Variants in CFTR observed in about 807,000 individuals in gnomAD.
CFTR encodes the protein cystic fibrosis transmembrane conductance regulator.
CFTR carries 181 observed loss-of-function variants against 171.6 expected under a neutral mutation model. The observed-to-expected ratio is 1.05, with a 90% CI of 0.93 to 1.19. The LOEUF is 1.19. Ranked by LOEUF, CFTR falls within the 50% of genes most tolerant of loss-of-function variation. The probability of loss-of-function intolerance (pLI) is 0.00; values close to 1 mark genes in which losing one functional copy is unlikely to be tolerated. For synonymous variants in CFTR, 583 were observed against 608.0 expected (o/e 0.96, Z 0.60); for missense variants, 1,968 against 1,734.7 (o/e 1.13, Z -2.39).
chr7:117,573,014 AT>A (rs1379863836), intron 11 of CFTR, among the ~76,000 whole-genome samples: 2 of 151,736 alleles, frequency 1.3e-5, no homozygotes, highest in Non-Finnish European at 2.9e-5. Context: ...ACACAGGACC[AT>A]TAAATGTAAC....
rs111250920 is a variant in CFTR at position 117,501,500 on chromosome 7, C to T, written c.54-2753C>T. On this transcript the variant is annotated intron_variant, in intron 1 of 26. Transcript: ENST00000003084. ...CTGGCTCACGTCTGTAATCCCAGCA[C>T]TTTGGGAGACCGAGGCAGGTGGATT... is the stretch of plus-strand genomic sequence containing the variant. Among the ~76,000 whole-genome samples the T allele has an allele frequency of 4.4e-3, 675 of 151,872 alleles. 5 individuals are homozygous for T. The highest frequency in any genetic ancestry group is 7.3e-3 in the Non-Finnish European group (494 of 67,944).
At chr7:117,568,880 C>G (rs1360691177) in intron 11 of CFTR, among the ~76,000 whole-genome samples, 2 of 152,212 alleles carry the variant, frequency 1.3e-5, no homozygotes, top group South Asian at 2.1e-4. Flanking sequence ...ACTTTGTACT[C>G]TTTGACCAAC....
At chr7:117,596,105 C>G (rs1792118815) in intron 15 of CFTR, among the ~76,000 whole-genome samples, 1 of 152,148 alleles carries the variant, frequency 6.6e-6, no homozygotes, top group Non-Finnish European at 1.5e-5. Flanking sequence ...TCTGGGCTGG[C>G]CAAGGCCAGA....
intron 21 of CFTR, among the ~76,000 whole-genome samples, chr7:117,619,102 A>T (rs928863751): frequency 6.6e-6 from 1 of 152,216 alleles, no homozygotes; most frequent in Admixed American, 6.5e-5. Flanking sequence ...CCATACCTCA[A>T]ATACTATATG....
intron 11 of CFTR, among the ~76,000 whole-genome samples, chr7:117,574,770 C>T (rs1791747484): frequency 6.6e-6 from 1 of 152,004 alleles, no homozygotes; most frequent in South Asian, 2.1e-4. Context: ...AATTTACACC[C>T]ATATATACAT....
At chr7:117,597,438 T>C (rs1314819754) in intron 15 of CFTR, among the ~76,000 whole-genome samples, 10 of 152,172 alleles carry the variant, frequency 6.6e-5, no homozygotes, top group Admixed American at 1.3e-4. Context: ...CTGGGCCACA[T>C]TGGAAGAAGA....
chr7:117,663,409 C>A (rs1282970290), intron 24 of CFTR, among the ~76,000 whole-genome samples: 1 of 151,556 alleles, frequency 6.6e-6, no homozygotes, highest in Non-Finnish European at 1.5e-5. Context: ...TAATGAATTT[C>A]TACAAGGTGA....
At chr7:117,540,007 T>G in intron 7 of CFTR, 93 bp from the exon 8 acceptor site, 1 of 1,090,894 alleles carries the variant, frequency 9.2e-7, no homozygotes, top group Admixed American at 2.0e-5. Flanking sequence ...GCAGAAAGAC[T>G]CTAGAGACCA....
Position 117,572,692 on chromosome 7 carries a change from C to T in CFTR, c.1584+13037C>T, listed in dbSNP as rs1791713159. Reference sequence around the variant, plus strand: ...ACTTGTTCCCTCTGCTCCTACCACACTTATTCCCCCCTTGTCCATTTTCCT... The same window carrying T: ...ACTTGTTCCCTCTGCTCCTACCACATTTATTCCCCCCTTGTCCATTTTCCT... On this transcript the variant is annotated intron_variant, in intron 11 of 26. Coordinates refer to ENST00000003084, the MANE Select transcript of CFTR (RefSeq NM_000492.4). Among the ~76,000 whole-genome samples, 6 of 152,294 alleles carry T rather than the reference C, an allele frequency of 3.9e-5. No homozygotes were observed. The South Asian group carries it at 1.2e-3, about 32-fold the overall frequency.
intron 1 of CFTR, among the ~76,000 whole-genome samples, chr7:117,502,671 A>G (rs1485438551): frequency 1.3e-5 from 2 of 152,146 alleles, no homozygotes; most frequent in Non-Finnish European, 2.9e-5. Flanking sequence ...TTGCATGATC[A>G]TGGCATTCAT....
chr7:117,642,649 A>C lies in CFTR; in HGVS notation c.3873+56A>C. ...CAACTAAATTATATTTTTTACTGCT[A>C]TTTGATACTTGTACTCAAGAAATTC... is the stretch of plus-strand genomic sequence containing the variant. On this transcript the variant is annotated intron_variant, in intron 23 of 26. Transcript: ENST00000003084. 1.9e-6 allele frequency: 3 copies of C among 1,548,340 alleles called. No homozygotes were observed. In the South Asian group the frequency reaches 3.4e-5, roughly 18 times the overall value.
At chr7:117,656,540 T>G (rs1793186413) in intron 24 of CFTR, among the ~76,000 whole-genome samples, 1 of 152,194 alleles carries the variant, frequency 6.6e-6, no homozygotes, top group Admixed American at 6.5e-5. Context: ...TTCATTATAC[T>G]TGAGAGCATT....
At chr7:117,664,490 G>A (rs986687130) in intron 24 of CFTR, among the ~76,000 whole-genome samples, 198 bp from the exon 25 acceptor site, 2 of 152,190 alleles carry the variant, frequency 1.3e-5, no homozygotes, top group East Asian at 1.9e-4. Flanking sequence ...GATAAAACAA[G>A]TTATAGACTG....
In CFTR at chr7:117,642,582, G is replaced by A; in HGVS notation, c.3862G>A (p.Val1288Met). The change falls in exon 23 of 27, where the codon GTG (valine) becomes ATG (methionine). Residue 1288 changes from valine to methionine, a missense_variant. By Grantham distance (21) the Val-to-Met change is conservative. Coordinates refer to ENST00000003084, the MANE Select transcript of CFTR (RefSeq NM_000492.4). ...TLQQWRKAFGVIPQKVFIFSG... is the reference protein window; with the variant it reads ...TLQQWRKAFGMIPQKVFIFSG... Reference sequence around the variant, plus strand: ...GCAACAGTGGAGGAAAGCCTTTGGAGTGATACCACAGGTGAGCAAAAGGAC... The same window carrying A: ...GCAACAGTGGAGGAAAGCCTTTGGAATGATACCACAGGTGAGCAAAAGGAC... 1 of 1,613,414 alleles carries A rather than the reference G, an allele frequency of 6.2e-7. No individual in the cohort carries two copies. The highest frequency in any genetic ancestry group is 1.1e-5 in the South Asian group (1 of 91,062).
intron 22 of CFTR, among the ~76,000 whole-genome samples, chr7:117,629,328 G>T (rs1448128104): frequency 2.0e-5 from 3 of 152,104 alleles, no homozygotes; most frequent in Non-Finnish European, 4.4e-5. Context: ...AAAGACCTCA[G>T]TCAGCTTTAT....
intron 9 of CFTR, among the ~76,000 whole-genome samples, chr7:117,543,999 A>G (rs1379348780): frequency 6.6e-6 from 1 of 152,118 alleles, no homozygotes; most frequent in Non-Finnish European, 1.5e-5. Flanking sequence ...GAATTTCCTA[A>G]TCTTCCAACT....
chr7:117,588,999 A>T (rs747626152), intron 12 of CFTR, among the ~76,000 whole-genome samples: 1 of 152,104 alleles, frequency 6.6e-6, no homozygotes, highest in Non-Finnish European at 1.5e-5. Context: ...AATTTAGATA[A>T]GATAGAGTAT....
At chr7:117,493,689 C>G (rs775954131) in intron 1 of CFTR, among the ~76,000 whole-genome samples, 34 of 152,088 alleles carry the variant, frequency 2.2e-4, no homozygotes, top group Non-Finnish European at 3.4e-4. Flanking sequence ...ACATACTGCT[C>G]CCCAAAAAGA....
chr7:117,663,464 C>A (rs1159494348), intron 24 of CFTR, among the ~76,000 whole-genome samples: 4 of 148,338 alleles, frequency 2.7e-5, no homozygotes, highest in Admixed American at 1.3e-4. Flanking sequence ...GTATCATCTG[C>A]AATATACTTT....
Sources: allele counts gnomAD v4.1 joint callset (sites outside exome capture counted in the v4.1 genomes callset), GRCh38; gene constraint gnomAD v4.1.1; transcripts MANE v1.5; gene names NCBI Gene and HGNC (gene_info 2026-07-23, HGNC 2026-07-21).